Variants in MBNL2 observed in about 807,000 individuals in gnomAD.
The protein encoded by MBNL2 is muscleblind-like protein 2.
Under a neutral mutation model 41.9 loss-of-function variants are expected in MBNL2, and 17 were observed. The ratio of observed to expected loss-of-function variants is 0.41; its 90% CI spans 0.28 to 0.61. The LOEUF (loss-of-function observed/expected upper bound fraction) is 0.61. Among genes scored for constraint, MBNL2 ranks in the 20% least tolerant of loss-of-function variants. The probability of loss-of-function intolerance (pLI) is 0.35; values close to 1 mark genes in which losing one functional copy is unlikely to be tolerated. For synonymous variants in MBNL2, 195 were observed against 182.9 expected (o/e 1.07, Z -0.53); for missense variants, 336 against 505.6 (o/e 0.66, Z 3.22).
chr13:97,295,019 T>G (rs1032050972), intron 2 of MBNL2, among the ~76,000 whole-genome samples: 2 of 152,194 alleles, frequency 1.3e-5, no homozygotes, highest in Admixed American at 6.5e-5. Flanking sequence ...GGTATCATTG[T>G]GAGGGGAAAG....
intron 5 of MBNL2, among the ~76,000 whole-genome samples, chr13:97,354,849 G>T (rs2062844832): frequency 6.6e-6 from 1 of 152,166 alleles, no homozygotes; most frequent in Non-Finnish European, 1.5e-5. Context: ...CTGCAAATGG[G>T]AAGGGGAAAA....
intron 1 of MBNL2, among the ~76,000 whole-genome samples, chr13:97,227,453 A>C (rs1371095909): frequency 6.6e-6 from 1 of 152,206 alleles, no homozygotes; most frequent in East Asian, 1.9e-4. Context: ...ATGGTTAAGC[A>C]CTCAAATGTC....
intron 2 of MBNL2, among the ~76,000 whole-genome samples, chr13:97,283,424 T>C (rs926697285): frequency 6.6e-6 from 1 of 152,164 alleles, no homozygotes; most frequent in Non-Finnish European, 1.5e-5. Context: ...GCCTTCCTAC[T>C]ACAATCCACC....
At chr13:97,369,694 C>G (rs2064180202) in intron 8 of MBNL2, among the ~76,000 whole-genome samples, 1 of 152,156 alleles carries the variant, frequency 6.6e-6, no homozygotes, top group Admixed American at 6.5e-5. Flanking sequence ...TACACATTAC[C>G]CCACGGGGAG....
At chr13:97,210,733 C>G in the MBNL2 span, among the ~76,000 whole-genome samples, 1 of 151,750 alleles carries the variant, frequency 6.6e-6, no homozygotes, top group Non-Finnish European at 1.5e-5. Flanking sequence ...GCTGGGGTTA[C>G]AGGCATAAGT....
Position 97,356,810 on chromosome 13 carries a change from C to A in MBNL2, c.819C>A (p.Ala273=). The stretch of plus-strand genomic sequence containing the variant: ...GTTATTAAAAGACTCAGTCGACTGC[C>A]AAAGCAATGAAGCGACCTCTCGAAG... The part of the protein sequence containing the change: ...AAATVMTQST[A]KAMKRPLEAT... Residue 273 remains alanine (A), a synonymous_variant, in exon 6 of 9, where the codon GCC becomes GCA. Coordinates refer to ENST00000679496, the MANE Select transcript of MBNL2 (RefSeq NM_001382683.1). 1 of 1,363,410 alleles carries A rather than the reference C, an allele frequency of 7.3e-7. No individual in the cohort carries two copies. Among genetic ancestry groups the A allele is most frequent in the South Asian group, 1.1e-5 (1 of 88,200 alleles). The allele number at this position is 1,363,410 out of a possible 1,614,324, so 84.5% of individuals were successfully genotyped here.
Position 97,346,670 on chromosome 13 carries a change from A to G in MBNL2, c.541-134A>G, listed in dbSNP as rs113325015. On this transcript the variant is annotated intron_variant, in intron 4 of 8. Coordinates refer to ENST00000679496, the MANE Select transcript of MBNL2 (RefSeq NM_001382683.1). This position sits in a 1 kb window ranked among gnomAD's most constrained non-coding sequence, Gnocchi z 4.2. Reference sequence around the variant, plus strand: ...TGGTTACCTGGGCTCCGCATAATCAATCTTTTCTTGTCAGTGGTACATGAG... The same window carrying G: ...TGGTTACCTGGGCTCCGCATAATCAGTCTTTTCTTGTCAGTGGTACATGAG... 8.9e-4 allele frequency: 575 copies of G among 647,436 alleles called. 2 individuals are homozygous for G. The African/African-American group carries it at 8.9e-3, about 10-fold the overall frequency. 40.1% of individuals were successfully genotyped at this position (647,436 alleles called of 1,614,324 possible).
chr13:97,291,998 C>T (rs566100797), intron 2 of MBNL2, among the ~76,000 whole-genome samples: 7 of 150,700 alleles, frequency 4.6e-5, no homozygotes, highest in South Asian at 4.2e-4. Context: ...GTCAGGAAAT[C>T]GAGACCATCC....
At chr13:97,348,785 T>A (rs1361457220) in intron 5 of MBNL2, among the ~76,000 whole-genome samples, 1 of 152,176 alleles carries the variant, frequency 6.6e-6, no homozygotes, top group Non-Finnish European at 1.5e-5. Context: ...AGCCATCACC[T>A]CAGCCATCAC....
intron 5 of MBNL2, among the ~76,000 whole-genome samples, chr13:97,354,368 C>A (rs2062798368): frequency 6.6e-6 from 1 of 152,182 alleles, no homozygotes; most frequent in South Asian, 2.1e-4. Context: ...GATTATTCAT[C>A]CACATGGATT....
At chr13:97,387,317 G>A (rs188303914) in intron 8 of MBNL2, among the ~76,000 whole-genome samples, 7 of 152,278 alleles carry the variant, frequency 4.6e-5, no homozygotes, top group African/African-American at 1.7e-4. Context: ...GCTATAAGCA[G>A]ACACGTTTGC....
intron 5 of MBNL2, among the ~76,000 whole-genome samples, chr13:97,348,214 A>G (rs959145794): frequency 6.6e-6 from 1 of 151,746 alleles, no homozygotes; most frequent in African/African-American, 2.4e-5. Flanking sequence ...AGCTGGGAAC[A>G]TGCCCATCTA....
chr13:97,206,035 G>C, the MBNL2 span, among the ~76,000 whole-genome samples: 1 of 152,132 alleles, frequency 6.6e-6, no homozygotes, highest in South Asian at 2.1e-4. Context: ...TTATTTTTGA[G>C]ATTATAGATC....
chr13:97,201,886 A>C, the MBNL2 span, among the ~76,000 whole-genome samples: 8 of 152,312 alleles, frequency 5.3e-5, no homozygotes, highest in East Asian at 1.5e-3. Context: ...TTGATCAAAC[A>C]CCATTTAAGT....
chr13:97,381,716 A>G (rs765082897), intron 8 of MBNL2, among the ~76,000 whole-genome samples: 4 of 151,926 alleles, frequency 2.6e-5, no homozygotes, highest in Non-Finnish European at 4.4e-5. Flanking sequence ...CTGAGTTGCC[A>G]GTTCCTGTTC....
intron 1 of MBNL2, among the ~76,000 whole-genome samples, chr13:97,256,164 T>C (rs924492736): frequency 1.3e-5 from 2 of 152,144 alleles, no homozygotes; most frequent in African/African-American, 4.8e-5. Flanking sequence ...TAAACATCAG[T>C]TCAATTAAAA....
At chr13:97,318,350 C>A (rs533398170) in intron 2 of MBNL2, among the ~76,000 whole-genome samples, 10 of 152,310 alleles carry the variant, frequency 6.6e-5, no homozygotes, top group African/African-American at 1.9e-4. Flanking sequence ...AATCCTGGTT[C>A]TGTATCTTGC....
intron 2 of MBNL2, among the ~76,000 whole-genome samples, chr13:97,327,560 TAAA>T (rs71922683): frequency 5.5e-5 from 5 of 90,766 alleles, no homozygotes; most frequent in Admixed American, 4.1e-4. Flanking sequence ...ACGTTATTTG[TAAA>T]AAAAAAAAAA....
the MBNL2 span, among the ~76,000 whole-genome samples, chr13:97,164,915 G>C: frequency 6.6e-6 from 1 of 152,044 alleles, no homozygotes; most frequent in African/African-American, 2.4e-5. Context: ...CTTAGAAAAA[G>C]AAAACAAGGC....
Sources: allele counts gnomAD v4.1 joint callset (sites outside exome capture counted in the v4.1 genomes callset), GRCh38; gene constraint gnomAD v4.1.1; non-coding constraint Gnocchi (gnomAD v3.1); transcripts MANE v1.5; gene names NCBI Gene and HGNC (gene_info 2026-07-23, HGNC 2026-07-21).